Variants in PRORP observed in about 807,000 individuals in gnomAD.
The protein encoded by PRORP is mitochondrial ribonuclease P catalytic subunit.
PRORP carries 51 observed loss-of-function variants against 59.4 expected under a neutral mutation model. That is an observed-to-expected ratio of 0.86 (90% CI 0.69 to 1.08). The LOEUF (loss-of-function observed/expected upper bound fraction) is 1.08, where lower values mean the gene tolerates loss of function less well. Among genes scored for constraint, PRORP ranks in the 50% least tolerant of loss-of-function variants. The pLI is 0.00. For missense variants in PRORP, 646 were observed against 690.3 expected, an observed-to-expected ratio of 0.94 and a Z score of 0.72; for synonymous variants, 231 against 245.6, an observed-to-expected ratio of 0.94 and a Z score of 0.55.
At chr14:35,149,528 T>C (rs1437636216) in intron 4 of PRORP, among the ~76,000 whole-genome samples, 2 of 152,118 alleles carry the variant, frequency 1.3e-5, no homozygotes, top group Non-Finnish European at 2.9e-5. Flanking sequence ...CATTTTTATG[T>C]TATGGGGATT....
chr14:35,153,861 A>G (rs919172293), intron 4 of PRORP, among the ~76,000 whole-genome samples: 6 of 152,254 alleles, frequency 3.9e-5, no homozygotes, highest in African/African-American at 1.4e-4. Flanking sequence ...TCCTCACTCA[A>G]GTACTAATTC....
intron 5 of PRORP, among the ~76,000 whole-genome samples, chr14:35,254,951 G>A (rs2050712665): frequency 6.6e-6 from 1 of 152,016 alleles, no homozygotes; most frequent in Non-Finnish European, 1.5e-5. Flanking sequence ...TCCTTGCCGG[G>A]CTAGTTCATC....
chr14:35,217,513 A>G (rs560983642), intron 5 of PRORP, among the ~76,000 whole-genome samples: 4 of 151,802 alleles, frequency 2.6e-5, no homozygotes, highest in South Asian at 2.1e-4. Flanking sequence ...AAAAAAAAAA[A>G]AAAAGAAAAG....
At chr14:35,213,957 G>A (rs898528007) in intron 5 of PRORP, among the ~76,000 whole-genome samples, 1 of 152,184 alleles carries the variant, frequency 6.6e-6, no homozygotes, top group Non-Finnish European at 1.5e-5. Flanking sequence ...TCTTCAATTT[G>A]TAAAAAATGA....
At chr14:35,192,766 G>A (rs1373309471) in intron 5 of PRORP, among the ~76,000 whole-genome samples, 1 of 152,004 alleles carries the variant, frequency 6.6e-6, no homozygotes, top group Non-Finnish European at 1.5e-5. Flanking sequence ...GACCAAGGAG[G>A]GTGGATCACC....
At chr14:35,141,296 A>G (rs565420890) in intron 4 of PRORP, among the ~76,000 whole-genome samples, 2 of 140,384 alleles carry the variant, frequency 1.4e-5, no homozygotes, top group South Asian at 2.4e-4. Flanking sequence ...AGTTCTTACT[A>G]TTCACCCAGG....
intron 5 of PRORP, among the ~76,000 whole-genome samples, chr14:35,210,346 A>G (rs1234019509): frequency 1.3e-5 from 2 of 152,206 alleles, no homozygotes; most frequent in Non-Finnish European, 2.9e-5. Flanking sequence ...GATCATGAAT[A>G]TGTTTCATCT....
intron 5 of PRORP, among the ~76,000 whole-genome samples, chr14:35,226,711 A>G (rs2049943226): frequency 1.3e-5 from 2 of 152,000 alleles, no homozygotes; most frequent in African/African-American, 4.8e-5. Flanking sequence ...TAGATGGTTA[A>G]ACAAACAAGC....
intron 4 of PRORP, among the ~76,000 whole-genome samples, chr14:35,133,199 G>A (rs576059084): frequency 7.2e-5 from 11 of 152,234 alleles, no homozygotes; most frequent in Non-Finnish European, 1.0e-4. Flanking sequence ...GATTACGGGC[G>A]TGAGCTACCA....
intron 5 of PRORP, among the ~76,000 whole-genome samples, chr14:35,208,407 A>G (rs1074269): frequency 0.71 from 107,773 of 152,012 alleles, 38,745 homozygotes; most frequent in Admixed American, 0.79. Flanking sequence ...ATTTTAGTGA[A>G]GCCCCATCTC....
chr14:35,141,883 A>AT (rs1210723866), intron 4 of PRORP, among the ~76,000 whole-genome samples: 51 of 132,774 alleles, frequency 3.8e-4, no homozygotes, highest in South Asian at 5.0e-4. Context: ...CACCTGGGCA[A>AT]TTTTTTTTTT....
intron 4 of PRORP, among the ~76,000 whole-genome samples, chr14:35,135,667 T>C (rs1387768720): frequency 1.3e-5 from 2 of 152,090 alleles, no homozygotes; most frequent in African/African-American, 2.4e-5. Context: ...GCCATTAACG[T>C]GTTTTAAGCA....
chr14:35,198,682 TCTG>T (rs1372518306), intron 5 of PRORP, among the ~76,000 whole-genome samples: 1 of 152,258 alleles, frequency 6.6e-6, no homozygotes, highest in Non-Finnish European at 1.5e-5. Flanking sequence ...TAGTAAGCAC[TCTG>T]AAGAGGTACT....
chr14:35,276,778 A>G lies in PRORP; in HGVS notation c.*3212A>G, dbSNP rs1206519145. ...GAAAGAGCATTGACTTTGCCACTTAAAAGTATTTCTAAAATACTTTGTGCT... is the reference window on the plus strand; with the variant it reads ...GAAAGAGCATTGACTTTGCCACTTAGAAGTATTTCTAAAATACTTTGTGCT... On this transcript the variant is annotated 3_prime_UTR_variant, in exon 8 of 8. Transcript: ENST00000534898. 2.0e-5 allele frequency: 3 copies of G among 152,184 alleles called. No individual in the cohort carries two copies. Among genetic ancestry groups the G allele is most frequent in the South Asian group, 2.1e-4 (1 of 4,836 alleles). The allele number at this position is 152,184 out of a possible 1,614,324, so 9.4% of individuals were successfully genotyped here.
chr14:35,184,657 G>A (rs568838009), intron 5 of PRORP, among the ~76,000 whole-genome samples: 36 of 152,162 alleles, frequency 2.4e-4, no homozygotes, highest in African/African-American at 8.7e-4. Flanking sequence ...AATCTTTTCT[G>A]CTCCTCTGCC....
Position 35,275,191 on chromosome 14 carries a change from A to C in PRORP, c.*1625A>C, listed in dbSNP as rs535767783. ...TAAAATTCCTCACACTAAACATTTT[A>C]AATTGATATATTTACATTTATGACA... On this transcript the variant is annotated 3_prime_UTR_variant, in exon 8 of 8. Coordinates refer to ENST00000534898, the MANE Select transcript of PRORP (RefSeq NM_014672.4). 1.6e-4 allele frequency: 24 copies of C among 152,224 alleles called. No individual in the cohort carries two copies. The highest frequency in any genetic ancestry group is 3.5e-4 in the Non-Finnish European group (24 of 68,044). 9.4% of individuals were successfully genotyped at this position (152,224 alleles called of 1,614,324 possible). A position where few individuals can be genotyped will look rare whatever the true frequency, so the allele number is the denominator to read the frequency against.
At chr14:35,198,481 G>T (rs1245426117) in intron 5 of PRORP, among the ~76,000 whole-genome samples, 1 of 152,222 alleles carries the variant, frequency 6.6e-6, no homozygotes, top group Non-Finnish European at 1.5e-5. Context: ...TTGGTGAGAA[G>T]ACTAAATAGG....
intron 5 of PRORP, among the ~76,000 whole-genome samples, chr14:35,192,277 G>T (rs905571690): frequency 6.6e-6 from 1 of 152,072 alleles, no homozygotes; most frequent in African/African-American, 2.4e-5. Context: ...ATCTTCAAAT[G>T]GCTGGATTAT....
chr14:35,257,512 C>CATGTATT (rs2050791684), intron 5 of PRORP, among the ~76,000 whole-genome samples: 1 of 152,140 alleles, frequency 6.6e-6, no homozygotes, highest in Non-Finnish European at 1.5e-5. Flanking sequence ...CATGTTGTAG[C>CATGTATT]ATGTATTAGA....
Sources: gnomAD v4.1 joint callset for allele counts (sites outside exome capture counted in the v4.1 genomes callset) on GRCh38, gnomAD v4.1.1 for gene constraint, MANE v1.5 for transcripts, NCBI Gene and HGNC (gene_info 2026-07-23, HGNC 2026-07-21) for gene names.